The following MPP4 variants were observed in gnomAD, a reference collection of about 807,000 sequenced individuals.
The protein encoded by MPP4 is MAGUK p55 subfamily member 4.
MPP4 carries 91 observed loss-of-function variants against 98.3 expected under a neutral mutation model. The observed-to-expected ratio is 0.93, with a 90% confidence interval of 0.78 to 1.10. MPP4 has a LOEUF of 1.10. MPP4 is among the 50% of genes least tolerant of loss of function. The pLI is 0.00. For synonymous variants in MPP4, 261 were observed against 271.8 expected, an observed-to-expected ratio of 0.96 and a Z score of 0.39; for missense variants, 744 against 792.9, an observed-to-expected ratio of 0.94 and a Z score of 0.74.
intron 20 of MPP4, among the ~76,000 whole-genome samples, 180 bp downstream of exon 20, chr2:201,649,396 C>T (rs1251461434): frequency 6.6e-6 from 1 of 152,144 alleles, no homozygotes; most frequent in African/African-American, 2.4e-5. Context: ...GACTTCTTTC[C>T]CAACTAAAAG....
At chr2:201,671,995 CG>C (rs1688356091) in intron 11 of MPP4, among the ~76,000 whole-genome samples, 1 of 152,054 alleles carries the variant, frequency 6.6e-6, no homozygotes, top group Non-Finnish European at 1.5e-5. Flanking sequence ...GACCACCAAC[CG>C]GAAGTAAAAC....
rs753265608 is a variant in MPP4 at position 201,675,288 on chromosome 2, A to C, written c.930-17T>G. 1 of 1,601,116 alleles carries C rather than the reference A, an allele frequency of 6.2e-7. No homozygotes were observed. Among genetic ancestry groups the C allele is most frequent in the Non-Finnish European group, 8.5e-7 (1 of 1,173,986 alleles). ...CGTTGCTTCCTATGGGGGGGAAAAA[A>C]CCATGCGACAAAAAACAAACAAAAA... On this transcript the variant is annotated splice_polypyrimidine_tract_variant and intron_variant, in intron 10 of 21. Transcript: ENST00000409474.
chr2:201,686,414 T>C (rs1243346980), intron 5 of MPP4, among the ~76,000 whole-genome samples: 3 of 152,178 alleles, frequency 2.0e-5, no homozygotes, highest in Non-Finnish European at 4.4e-5. Context: ...TTTATAATAT[T>C]TTCCCCAATT....
At chr2:201,670,844 TC>T (rs1227311604) in intron 11 of MPP4, among the ~76,000 whole-genome samples, 1 of 152,172 alleles carries the variant, frequency 6.6e-6, no homozygotes, top group Non-Finnish European at 1.5e-5. Flanking sequence ...TTTCTGCATT[TC>T]CAACTAAGGT....
chr2:201,681,643 A>G, intron 8 of MPP4, 76 bp from the exon 9 acceptor site: 1 of 1,053,178 alleles, frequency 9.5e-7, no homozygotes, highest in East Asian at 2.5e-5. Context: ...ACAGAGTTAC[A>G]GTGCAATGTA....
At chr2:201,649,483 T>A in intron 20 of MPP4, 93 bp downstream of exon 20, 1 of 874,870 alleles carries the variant, frequency 1.1e-6, no homozygotes, top group South Asian at 1.5e-5. Flanking sequence ...GCTAACAGAA[T>A]AAATGTCTCA....
intron 14 of MPP4, chr2:201,661,650 C>T (rs1688030091): frequency 4.4e-5 from 20 of 454,544 alleles, no homozygotes; most frequent in South Asian, 3.1e-4. Flanking sequence ...GTAGCACTTC[C>T]TGTGTACCAG....
At chr2:201,698,557 A>G (rs770796991) in intron 1 of MPP4, 30 bp downstream of exon 1, 54 of 1,301,748 alleles carry the variant, frequency 4.1e-5, no homozygotes, top group Non-Finnish European at 5.2e-5. Context: ...ATCTTCTGGT[A>G]ACTGAGGATT....
chr2:201,688,711 T>C (rs1280011754), intron 4 of MPP4, among the ~76,000 whole-genome samples: 1 of 151,988 alleles, frequency 6.6e-6, no homozygotes, highest in African/African-American at 2.4e-5. Flanking sequence ...CTTCCTGGGT[T>C]CAAGCAATTT....
chr2:201,668,695 G>T (rs1688252801), intron 12 of MPP4, among the ~76,000 whole-genome samples: 2 of 152,154 alleles, frequency 1.3e-5, no homozygotes, highest in African/African-American at 4.8e-5. Context: ...TTAGTCTGTG[G>T]TATCTTGTTA....
At chr2:201,649,533 G>T (rs990470527) in intron 20 of MPP4, 43 bp downstream of exon 20, 1 of 1,364,388 alleles carries the variant, frequency 7.3e-7, no homozygotes, top group Non-Finnish European at 1.0e-6. Flanking sequence ...TGGATGATAC[G>T]CATTCATTGT....
intron 15 of MPP4, among the ~76,000 whole-genome samples, chr2:201,658,829 A>C (rs1248568794): frequency 6.6e-6 from 1 of 152,236 alleles, no homozygotes; most frequent in Non-Finnish European, 1.5e-5. Context: ...TTAAAAATAC[A>C]TACCCAGTTC....
rs1169422654 is a variant in MPP4, at chr2:201,685,163, G to A, written c.493-18C>T. 3 of 1,598,112 alleles carry A rather than the reference G, an allele frequency of 1.9e-6. No individual in the cohort carries two copies. The highest frequency in any genetic ancestry group is 1.3e-5 in the African/African-American group (1 of 74,416). ...GTGGCTCCCTGAAGAGAGAATAGAC[G>A]AGATCCCTCTGTTACCTGACATGAC... On this transcript the variant is annotated intron_variant, in intron 6 of 21. Coordinates refer to ENST00000409474, the MANE Select transcript of MPP4 (RefSeq NM_033066.3).
At chr2:201,651,892 G>A (rs1360111860) in intron 18 of MPP4, 1 of 457,620 alleles carries the variant, frequency 2.2e-6, no homozygotes, top group Non-Finnish European at 2.9e-6. Flanking sequence ...AGGTGAGGTT[G>A]TAGTGAGCCG....
intron 4 of MPP4, among the ~76,000 whole-genome samples, chr2:201,688,065 A>C (rs188077467): frequency 1.6e-3 from 243 of 152,344 alleles, no homozygotes; most frequent in Non-Finnish European, 3.5e-4. Flanking sequence ...TGAATAAAAT[A>C]TTATATATGT....
At chr2:201,651,974 A>T in intron 18 of MPP4, 1 of 745,566 alleles carries the variant, frequency 1.3e-6, no homozygotes, top group Non-Finnish European at 1.6e-6. Context: ...AACAAACAGA[A>T]AAAAAAAAAG....
At chr2:201,679,773 G>A (rs1285307522) in intron 10 of MPP4, among the ~76,000 whole-genome samples, 2 of 152,062 alleles carry the variant, frequency 1.3e-5, no homozygotes, top group African/African-American at 4.8e-5. Flanking sequence ...CTCCCCTCTG[G>A]CTATTTCTCC....
intron 11 of MPP4, among the ~76,000 whole-genome samples, chr2:201,674,471 G>C (rs1688442975): frequency 6.6e-6 from 1 of 151,348 alleles, no homozygotes; most frequent in Non-Finnish European, 1.5e-5. Context: ...GGAGGAAGCA[G>C]GCTCTCCCAG....
chr2:201,681,154 T>TA, intron 9 of MPP4, 120 bp from the exon 10 acceptor site: 2 of 1,013,696 alleles, frequency 2.0e-6, no homozygotes, highest in East Asian at 5.3e-5. Context: ...CTGCTACTCC[T>TA]ATCTTTCCTC....
Sources: gnomAD v4.1 joint callset for allele counts (sites outside exome capture counted in the v4.1 genomes callset) on GRCh38, gnomAD v4.1.1 for gene constraint, MANE v1.5 for transcripts, NCBI Gene and HGNC (gene_info 2026-07-23, HGNC 2026-07-21) for gene names.